RCOR1: variants seen among roughly 807,000 people sequenced by gnomAD.
The protein encoded by RCOR1 is REST corepressor.
In RCOR1, 12 loss-of-function variants were observed where a neutral mutation model predicts 64.0. The observed-to-expected ratio is 0.19, with a 90% CI of 0.12 to 0.30. The LOEUF is 0.30. Among genes scored for constraint, RCOR1 ranks in the 10% least tolerant of loss-of-function variants. The pLI is 1.00. For synonymous variants in RCOR1, 279 were observed against 227.2 expected, an observed-to-expected ratio of 1.23 and a Z score of -2.05; for missense variants, 502 against 621.2, an observed-to-expected ratio of 0.81 and a Z score of 2.04.
chr14:102,652,050 C>G (rs545914199), intron 2 of RCOR1, among the ~76,000 whole-genome samples: 1 of 152,160 alleles, frequency 6.6e-6, no homozygotes, highest in Non-Finnish European at 1.5e-5. Context: ...ATTTAATTTG[C>G]TAAATCTGCT....
intron 2 of RCOR1, among the ~76,000 whole-genome samples, chr14:102,612,876 G>GA (rs1893660293): frequency 6.7e-6 from 1 of 148,424 alleles, no homozygotes; most frequent in Non-Finnish European, 1.5e-5. Context: ...AGGATTGCTT[G>GA]AACCCATGGG....
In RCOR1 at chr14:102,665,330, T is replaced by A. The variant is rs986849663; in HGVS notation, c.362-16565T>A. Among the ~76,000 whole-genome samples, 327 of 142,102 alleles carry A rather than the reference T, an allele frequency of 2.3e-3. 2 individuals carry two copies. The highest frequency in any genetic ancestry group is 3.2e-3 in the Non-Finnish European group (216 of 66,888). The allele number at this position is 142,102 out of a possible 152,430, so 93.2% of individuals were successfully genotyped here. A position where few individuals can be genotyped will look rare whatever the true frequency, so the allele number is the denominator to read the frequency against. On this transcript the variant is annotated intron_variant, in intron 2 of 11. Transcript: ENST00000262241. ...TCAACACTTTTTTTTTTTTTTTTTT[T>A]AAATAAAATAGGCTTTGTTAGATGG...
chr14:102,706,849 A>AAT (rs1895869132), intron 4 of RCOR1, among the ~76,000 whole-genome samples: 1 of 150,550 alleles, frequency 6.6e-6, no homozygotes, highest in African/African-American at 2.5e-5. Context: ...ATAATAATAA[A>AAT]TTTTTTAAAA....
chr14:102,711,034 T>A (rs759001382), intron 7 of RCOR1, 21 bp downstream of exon 7: 18 of 1,479,146 alleles, frequency 1.2e-5, no homozygotes, highest in Non-Finnish European at 1.7e-5. Flanking sequence ...CCCCTAGTAT[T>A]GTTTAGGCGA....
intron 2 of RCOR1, among the ~76,000 whole-genome samples, chr14:102,651,639 A>T (rs1894593122): frequency 6.6e-6 from 1 of 152,210 alleles, no homozygotes; most frequent in Admixed American, 6.5e-5. Context: ...ATATTTATGT[A>T]TCTTATTTTT....
In RCOR1 at chr14:102,705,371, T is replaced by C. The variant is rs146589717; in HGVS notation, c.499-1980T>C. The stretch of plus-strand genomic sequence containing the variant: ...CCAGTATTCATTTTGAGCATAACTG[T>C]ACTAAATCTTTCTTTCTAGATCAGT... On this transcript the variant is annotated intron_variant, in intron 4 of 11. Transcript: ENST00000262241. Among the ~76,000 whole-genome samples the C allele has an allele frequency of 1.7e-3, 263 of 152,344 alleles. 5 individuals carry two copies. The highest frequency in any genetic ancestry group is 1.3e-3 in the East Asian group (7 of 5,188).
intron 3 of RCOR1, among the ~76,000 whole-genome samples, chr14:102,698,913 T>C (rs1405695310): frequency 6.7e-6 from 1 of 148,582 alleles, no homozygotes; most frequent in Non-Finnish European, 1.5e-5. Context: ...TTGGAGTAAT[T>C]CCCTGCCCTG....
chr14:102,673,026 T>C (rs918222130), intron 2 of RCOR1, among the ~76,000 whole-genome samples: 4 of 152,080 alleles, frequency 2.6e-5, no homozygotes, highest in Non-Finnish European at 2.9e-5. Flanking sequence ...CACAAAATAG[T>C]ATTTGTCTGC....
chr14:102,611,504 T>A (rs1249635890), intron 2 of RCOR1, among the ~76,000 whole-genome samples: 1 of 152,206 alleles, frequency 6.6e-6, no homozygotes, highest in Non-Finnish European at 1.5e-5. Context: ...GCTTATCTGT[T>A]GATTTTTGGA....
At position 102,708,525 on chromosome 14, in the gene RCOR1, A is replaced by G; in HGVS notation, c.721A>G (p.Thr241Ala). Residue 241 changes from threonine to alanine, a missense_variant, in exon 6 of 12, where the codon ACT (threonine) becomes GCT (alanine). By Grantham distance (58) the Thr-to-Ala change is moderately conservative. Coordinates refer to ENST00000262241, the MANE Select transcript of RCOR1 (RefSeq NM_015156.4). ...TTACTATTCTTGGAAGAAGACGAGG[A>G]CTAAAACTAGTGTGATGGATCGCCA... ...KFYYSWKKTR[T>A]KTSVMDRHAR... 6.2e-7 allele frequency: 1 copy of G among 1,613,022 alleles called. No homozygotes were observed.
At chr14:102,671,188 T>C (rs935811275) in intron 2 of RCOR1, among the ~76,000 whole-genome samples, 30 of 152,246 alleles carry the variant, frequency 2.0e-4, no homozygotes, top group African/African-American at 6.8e-4. Context: ...CTTGTGTTCA[T>C]CTTTCTGTTC....
At chr14:102,666,901 C>T (rs1200770796) in intron 2 of RCOR1, among the ~76,000 whole-genome samples, 1 of 152,188 alleles carries the variant, frequency 6.6e-6, no homozygotes, top group Non-Finnish European at 1.5e-5. Context: ...GTAAAGTACT[C>T]TTCCATCTCC....
intron 2 of RCOR1, among the ~76,000 whole-genome samples, chr14:102,597,205 C>G (rs529881838): frequency 4.6e-5 from 7 of 152,092 alleles, no homozygotes; most frequent in Non-Finnish European, 7.4e-5. Context: ...CTTTGTTCTT[C>G]TCTTTTACTA....
chr14:102,658,476 A>G (rs1201234199), intron 2 of RCOR1: 2 of 968,882 alleles, frequency 2.1e-6, no homozygotes, highest in Non-Finnish European at 2.5e-6. Flanking sequence ...TGAGAGTGAG[A>G]CTCTGAAAAA....
chr14:102,688,798 A>G (rs1418702786), intron 3 of RCOR1, among the ~76,000 whole-genome samples: 1 of 152,190 alleles, frequency 6.6e-6, no homozygotes, highest in Non-Finnish European at 1.5e-5. Flanking sequence ...GTGATACGGT[A>G]TCATCTCTCC....
chr14:102,645,354 T>C (rs1894458166), intron 2 of RCOR1, among the ~76,000 whole-genome samples: 1 of 152,240 alleles, frequency 6.6e-6, no homozygotes, highest in South Asian at 2.1e-4. Context: ...GAGAATTGTT[T>C]CTTTTTTTAA....
At chr14:102,633,917 C>T (rs1340047474) in intron 2 of RCOR1, among the ~76,000 whole-genome samples, 1 of 152,128 alleles carries the variant, frequency 6.6e-6, no homozygotes, top group Non-Finnish European at 1.5e-5. Flanking sequence ...AAATTCTATT[C>T]TCTGTATAAT....
chr14:102,721,890 C>T (rs1487005182), intron 10 of RCOR1, among the ~76,000 whole-genome samples: 1 of 152,130 alleles, frequency 6.6e-6, no homozygotes, highest in Non-Finnish European at 1.5e-5. Flanking sequence ...GTGCTCTGGA[C>T]CTGCGATACC....
Position 102,592,979 on chromosome 14 carries a change from C to CGCCGCCGCCTCG in RCOR1, c.100_111dup (p.Ala34_Ala37dup), listed in dbSNP as rs1893161052. On this transcript the variant is annotated inframe_insertion, in exon 1 of 12. Coordinates refer to ENST00000262241, the MANE Select transcript of RCOR1 (RefSeq NM_015156.4). ...CCTCCGCCTCCGCCGCCGCCGCCTC[C>CGCCGCCGCCTCG]GCCGCCGCCTCGGCCGCCTGCGCCT... The CGCCGCCGCCTCG allele has an allele frequency of 8.6e-6, 10 of 1,159,440 alleles. No individual in the cohort carries two copies. The highest frequency in any genetic ancestry group is 9.6e-6 in the Non-Finnish European group (9 of 940,896). The allele number at this position is 1,159,440 out of a possible 1,614,324, so 71.8% of individuals were successfully genotyped here.
Sources: gnomAD v4.1 joint callset for allele counts (sites outside exome capture counted in the v4.1 genomes callset) on GRCh38, gnomAD v4.1.1 for gene constraint, MANE v1.5 for transcripts, NCBI Gene and HGNC (gene_info 2026-07-23, HGNC 2026-07-21) for gene names.